The following COMMD8 variants were observed in gnomAD, a reference collection of about 807,000 sequenced individuals.
The protein encoded by COMMD8 is COMM domain-containing protein 8.
A neutral mutation model predicts 27.2 loss-of-function variants in COMMD8; 28 were observed. The ratio of observed to expected loss-of-function variants is 1.03; its 90% CI spans 0.76 to 1.41. The LOEUF is 1.41. Ranked by LOEUF, COMMD8 falls within the 40% of genes most tolerant of loss-of-function variation. COMMD8 has a pLI of 0.00. For missense variants in COMMD8, 217 were observed against 211.2 expected (o/e 1.03, Z -0.17); for synonymous variants, 79 against 75.5 (o/e 1.05, Z -0.24).
chr4:47,456,791 T>G (rs1729902927), intron 2 of COMMD8, 62 bp from the exon 3 acceptor site: 1 of 1,278,312 alleles, frequency 7.8e-7, no homozygotes. Flanking sequence ...ACAATTCCAC[T>G]CTCCTTTTGC....
rs1020096913 is a variant in COMMD8 at position 47,463,700 on chromosome 4, T to A, written c.-49A>T. 31 of 1,503,262 alleles carry A rather than the reference T, an allele frequency of 2.1e-5. No homozygotes were observed. Among genetic ancestry groups the A allele is most frequent in the Non-Finnish European group, 2.7e-5 (30 of 1,117,952 alleles). The allele number at this position is 1,503,262 out of a possible 1,614,324, so 93.1% of individuals were successfully genotyped here. ...GTCACGTGTCAAGGCTGGCCGCTTG[T>A]CTAAAGCTACGACTCGCCCACGTGA... On this transcript the variant is annotated 5_prime_UTR_variant, in exon 1 of 5. Coordinates refer to ENST00000381571, the MANE Select transcript of COMMD8 (RefSeq NM_017845.5).
At chr4:47,452,399 G>A (rs373733640) in intron 4 of COMMD8, among the ~76,000 whole-genome samples, 13 of 151,952 alleles carry the variant, frequency 8.6e-5, no homozygotes, top group Non-Finnish European at 1.5e-4. Flanking sequence ...TTTTAGGATC[G>A]TAATTTTTTT....
At chr4:47,463,397 G>A (rs926101867) in intron 1 of COMMD8, among the ~76,000 whole-genome samples, 189 bp downstream of exon 1, 1 of 152,356 alleles carries the variant, frequency 6.6e-6, no homozygotes, top group African/African-American at 2.4e-5. Context: ...CTAGGCTGGG[G>A]GTGGCGCCCC....
intron 1 of COMMD8, among the ~76,000 whole-genome samples, chr4:47,462,837 T>C (rs921845353): frequency 4.7e-4 from 72 of 152,098 alleles, no homozygotes; most frequent in African/African-American, 1.7e-3. Context: ...TTCTTGACCC[T>C]GGCAGGAGGT....
At chr4:47,455,239 C>T (rs1729858593) in intron 3 of COMMD8, among the ~76,000 whole-genome samples, 1 of 152,318 alleles carries the variant, frequency 6.6e-6, no homozygotes, top group East Asian at 1.9e-4. Context: ...CAGTCTCAAA[C>T]TCCTGGCCTC....
chr4:47,451,489 T>C lies in COMMD8; in HGVS notation c.*156A>G, dbSNP rs542516315. ...AACCATGTAATTTCCTGTTAAGGAA[T>C]GTTGATAAATTTTTATCTTTATAAT... On this transcript the variant is annotated 3_prime_UTR_variant, in exon 5 of 5. Coordinates refer to ENST00000381571, the MANE Select transcript of COMMD8 (RefSeq NM_017845.5). 1 of 608,204 alleles carries C rather than the reference T, an allele frequency of 1.6e-6. No homozygotes were observed. The highest frequency in any genetic ancestry group is 2.9e-6 in the Non-Finnish European group (1 of 347,800). The allele number at this position is 608,204 out of a possible 1,614,324, so 37.7% of individuals were successfully genotyped here. A position where few individuals can be genotyped will look rare whatever the true frequency, so the allele number is the denominator to read the frequency against.
chr4:47,454,647 C>A (rs910545529), intron 3 of COMMD8, among the ~76,000 whole-genome samples: 1 of 152,052 alleles, frequency 6.6e-6, no homozygotes, highest in African/African-American at 2.4e-5. Context: ...GGGCAGATCA[C>A]CTGAGGTCGG....
At chr4:47,452,499 A>G (rs1729777429) in intron 4 of COMMD8, among the ~76,000 whole-genome samples, 1 of 152,202 alleles carries the variant, frequency 6.6e-6, no homozygotes, top group African/African-American at 2.4e-5. Context: ...AAAGAAATTC[A>G]GCTGTTAGAA....
Position 47,456,695 on chromosome 4 carries a change from T to C in COMMD8, c.257A>G (p.His86Arg). The change falls in exon 3 of 5, where the codon CAT becomes CGT. Residue 86 changes from histidine to arginine, a missense_variant. Physicochemically the swap from His to Arg is conservative, Grantham distance 29. Transcript: ENST00000381571. ...CACGCATTTCATGATAGTTTCTTGA[T>C]GAAGTGAATTCAACTGATTCAACTG... ...FQQLNQLNSL[H>R]QETIMKCVKS... is the part of the protein sequence containing the mutation. The C allele has an allele frequency of 6.2e-7, 1 of 1,606,646 alleles. No individual in the cohort carries two copies. The highest frequency in any genetic ancestry group is 8.5e-7 in the Non-Finnish European group (1 of 1,177,436).
chr4:47,463,063 C>T (rs942041697), intron 1 of COMMD8, among the ~76,000 whole-genome samples: 2 of 152,208 alleles, frequency 1.3e-5, no homozygotes, highest in Non-Finnish European at 2.9e-5. Context: ...TTTCCAGATT[C>T]TTACAAGCCA....
At chr4:47,453,427 A>G (rs1729808907) in intron 3 of COMMD8, among the ~76,000 whole-genome samples, 1 of 152,228 alleles carries the variant, frequency 6.6e-6, no homozygotes, top group South Asian at 2.1e-4. Flanking sequence ...TCGGTAGGAA[A>G]GTAAGACAAC....
Position 47,453,174 on chromosome 4 carries a change from G to T in COMMD8, c.416C>A (p.Pro139Gln), listed in dbSNP as rs776791909. Residue 139 changes from proline (P) to glutamine (Q), a missense_variant, in exon 4 of 5, where the codon CCA (proline) becomes CAA (glutamine). Coordinates refer to ENST00000381571, the MANE Select transcript of COMMD8 (RefSeq NM_017845.5). ...TACATCTAGATGCAGGCTTAAAAGT[G>T]GCATTCGTAATGCAGCAATCTTGTC... ...SSDKIAALRM[P>Q]LLSLHLDVKE... The T allele has an allele frequency of 6.2e-7, 1 of 1,613,856 alleles. No individual in the cohort carries two copies. Among genetic ancestry groups the T allele is most frequent in the Non-Finnish European group, 8.5e-7 (1 of 1,179,884 alleles).
At chr4:47,459,925 C>T in intron 2 of COMMD8, 1 of 396,278 alleles carries the variant, frequency 2.5e-6, no homozygotes, top group Non-Finnish European at 4.4e-6. Context: ...TATATAATTT[C>T]TTGTTTTCTT....
intron 3 of COMMD8, among the ~76,000 whole-genome samples, chr4:47,454,317 T>C (rs914479529): frequency 6.6e-6 from 1 of 152,212 alleles, no homozygotes; most frequent in Non-Finnish European, 1.5e-5. Context: ...TTTATATATT[T>C]CCCCATCTAT....
At chr4:47,452,132 TACAAAG>T (rs1269396742) in intron 4 of COMMD8, among the ~76,000 whole-genome samples, 1 of 152,214 alleles carries the variant, frequency 6.6e-6, no homozygotes, top group Non-Finnish European at 1.5e-5. Context: ...AACATACATA[TACAAAG>T]ACAATTATTT....
In COMMD8 at chr4:47,456,607, T is replaced by TG; in HGVS notation, c.344dup (p.Gln116ThrfsTer6). 1 of 1,609,436 alleles carries TG rather than the reference T, an allele frequency of 6.2e-7. No individual in the cohort carries two copies. The highest frequency in any genetic ancestry group is 8.5e-7 in the Non-Finnish European group (1 of 1,178,394). On this transcript the variant is annotated frameshift_variant, in exon 3 of 5. Transcript: ENST00000381571. LOFTEE classifies it high-confidence loss of function. ...CCTGCCAATCAAAATCCTGTAGCTG[T>TG]GCAGAGGAAATAGCAACTATTTCTC... is the stretch of plus-strand genomic sequence containing the variant.
At chr4:47,462,116 G>T (rs1387318644) in intron 1 of COMMD8, among the ~76,000 whole-genome samples, 2 of 152,128 alleles carry the variant, frequency 1.3e-5, no homozygotes, top group African/African-American at 2.4e-5. Flanking sequence ...CAAAGTAAAA[G>T]AGCCTAGACT....
chr4:47,454,641 A>G (rs10029474), intron 3 of COMMD8, among the ~76,000 whole-genome samples: 48,220 of 151,806 alleles, frequency 0.32, 8,015 homozygotes, highest in African/African-American at 0.42. Context: ...TGAGGTGGGC[A>G]GATCACCTGA....
At chr4:47,458,163 T>C (rs1238024498) in intron 2 of COMMD8, among the ~76,000 whole-genome samples, 1 of 152,100 alleles carries the variant, frequency 6.6e-6, no homozygotes, top group African/African-American at 2.4e-5. Context: ...AGAGCTAACA[T>C]ACTAAATGGT....
Sources: gnomAD v4.1 joint callset for allele counts (sites outside exome capture counted in the v4.1 genomes callset) on GRCh38, gnomAD v4.1.1 for gene constraint, MANE v1.5 for transcripts, NCBI Gene and HGNC (gene_info 2026-07-23, HGNC 2026-07-21) for gene names.